The following TEF variants were observed in gnomAD, a reference collection of about 807,000 sequenced individuals.
The protein encoded by TEF is thyrotroph embryonic factor.
TEF carries 3 observed loss-of-function variants against 20.8 expected under a neutral mutation model. That is an observed-to-expected ratio of 0.14 (90% confidence interval 0.07 to 0.37). The LOEUF (loss-of-function observed/expected upper bound fraction) is 0.37, where lower values mean the gene tolerates loss of function less well. Ranked by LOEUF, TEF falls within the 10% of genes least tolerant of loss-of-function variation. TEF has a pLI of 1.00. For synonymous variants in TEF, 180 were observed against 171.1 expected (o/e 1.05, Z -0.41); for missense variants, 296 against 397.9 (o/e 0.74, Z 2.18).
intron 2 of TEF, among the ~76,000 whole-genome samples, chr22:41,390,564 G>C (rs1029871800): frequency 7.1e-6 from 1 of 140,470 alleles, no homozygotes; most frequent in South Asian, 2.3e-4. Context: ...GTGCAGTGGT[G>C]CGATCTCGGC....
rs1027539082 is a variant in TEF, at chr22:41,369,248, C to T, written c.67+1649C>T. On this transcript the variant is annotated intron_variant, in intron 1 of 3. Transcript: ENST00000406644. ...CTGGTCTGTGGGGCCCTGCAATAGCCGAAAAGTCCCCCTCCCTCACTGTGG... is the reference window on the plus strand; with the variant it reads ...CTGGTCTGTGGGGCCCTGCAATAGCTGAAAAGTCCCCCTCCCTCACTGTGG... 14 of 985,306 alleles carry T rather than the reference C, an allele frequency of 1.4e-5. No individual in the cohort carries two copies. The South Asian group carries it at 2.8e-4, about 20-fold the overall frequency. 61.0% of individuals were successfully genotyped at this position (985,306 alleles called of 1,614,324 possible). A position where few individuals can be genotyped will look rare whatever the true frequency, so the allele number is the denominator to read the frequency against.
At chr22:41,369,084 G>GC (rs1814751538) in intron 1 of TEF, 2 of 985,182 alleles carry the variant, frequency 2.0e-6, no homozygotes, top group Non-Finnish European at 2.4e-6. Flanking sequence ...GTCCCAGGAT[G>GC]CCCCCCAGCA....
At chr22:41,385,235 C>CT (rs1449616419) in intron 1 of TEF, among the ~76,000 whole-genome samples, 17 of 152,048 alleles carry the variant, frequency 1.1e-4, no homozygotes, top group Non-Finnish European at 2.4e-4. Context: ...TAGCGCATGC[C>CT]TGTAATCCCA....
chr22:41,393,928 T>G (rs972112066), intron 2 of TEF, among the ~76,000 whole-genome samples, 168 bp from the exon 3 acceptor site: 1 of 152,192 alleles, frequency 6.6e-6, no homozygotes, highest in African/African-American at 2.4e-5. Flanking sequence ...GTTGTGGAAT[T>G]GAACCGTGTG....
intron 2 of TEF, among the ~76,000 whole-genome samples, chr22:41,390,839 A>G (rs2145987941): frequency 6.6e-6 from 1 of 152,246 alleles, no homozygotes; most frequent in East Asian, 1.9e-4. Context: ...TCCATGGGGA[A>G]ATGAGAATTC....
At position 41,370,789 on chromosome 22, in the gene TEF, TCCCAG is replaced by T. The variant is rs371518696; in HGVS notation, c.67+3199_67+3203del. 1.2e-4 allele frequency among the ~76,000 whole-genome samples: 19 copies of T among 152,270 alleles called. No individual in the cohort carries two copies. The South Asian group carries it at 3.7e-3, about 30-fold the overall frequency. ...CTCTCCCTCGTGCTGCCCCTGGGCC[TCCCAG>T]CCCAGCCCGTGTAGACCTTGCCTCT... On this transcript the variant is annotated intron_variant, in intron 1 of 3. Coordinates refer to the TEF transcript ENST00000406644.
At chr22:41,375,051 C>T (rs58368178) in intron 1 of TEF, among the ~76,000 whole-genome samples, 6,678 of 152,294 alleles carry the variant, frequency 0.044, 465 homozygotes, top group African/African-American at 0.15. Context: ...CCCTCCAGCA[C>T]GTCTTTGACT....
chr22:41,371,479 T>C (rs2036882221), intron 1 of TEF, among the ~76,000 whole-genome samples: 1 of 151,536 alleles, frequency 6.6e-6, no homozygotes, highest in Non-Finnish European at 1.5e-5. Flanking sequence ...TACAACCCAC[T>C]GGTTGGGACT....
chr22:41,388,430 C>G (rs2037125526), intron 2 of TEF, among the ~76,000 whole-genome samples: 1 of 152,022 alleles, frequency 6.6e-6, no homozygotes, highest in Non-Finnish European at 1.5e-5. Flanking sequence ...CCATATTTGT[C>G]AGGCTGGTCT....
chr22:41,380,734 A>G (rs2037006759), upstream of TEF, among the ~76,000 whole-genome samples: 1 of 152,116 alleles, frequency 6.6e-6, no homozygotes, highest in Non-Finnish European at 1.5e-5. Flanking sequence ...GCAGCTTTCC[A>G]TTTGTGTACC....
At chr22:41,389,209 G>T (rs886830043) in intron 2 of TEF, among the ~76,000 whole-genome samples, 2 of 152,058 alleles carry the variant, frequency 1.3e-5, no homozygotes, top group African/African-American at 4.8e-5. Flanking sequence ...GACCATCCTG[G>T]TTAACACGGT....
rs1348447430 is a variant in TEF, at chr22:41,397,195, C to A, written c.*1235C>A. 8 of 398,290 alleles carry A rather than the reference C, an allele frequency of 2.0e-5. No individual in the cohort carries two copies. Among genetic ancestry groups the A allele is most frequent in the Non-Finnish European group, 3.5e-5 (8 of 226,058 alleles). The allele number at this position is 398,290 out of a possible 1,614,324, so 24.7% of individuals were successfully genotyped here. A position where few individuals can be genotyped will look rare whatever the true frequency, so the allele number is the denominator to read the frequency against. On this transcript the variant is annotated 3_prime_UTR_variant, in exon 4 of 4. Coordinates refer to ENST00000266304, the MANE Select transcript of TEF (RefSeq NM_003216.4). ...GGGACTTTTACACAGGCCTAGGGTC[C>A]CCTCAGTCTTGGTCCCAGGAGATGG... is the stretch of plus-strand genomic sequence containing the variant.
At chr22:41,383,078 C>T (rs1230212227) in intron 1 of TEF, 2 of 469,076 alleles carry the variant, frequency 4.3e-6, no homozygotes, top group African/African-American at 4.0e-5. Flanking sequence ...CTGAGGTATA[C>T]TTTGAGTGTG....
intron 2 of TEF, among the ~76,000 whole-genome samples, chr22:41,387,983 C>CT (rs530707936): frequency 0.069 from 3,439 of 49,938 alleles, 1,028 homozygotes; most frequent in East Asian, 0.11. Flanking sequence ...CAATGCTGCT[C>CT]TTTTTTTTTT....
At chr22:41,375,490 C>T (rs537098606) in intron 1 of TEF, among the ~76,000 whole-genome samples, 1 of 152,292 alleles carries the variant, frequency 6.6e-6, no homozygotes, top group African/African-American at 2.4e-5. Context: ...GTGGCACACG[C>T]CTGTAATCCC....
upstream of TEF, among the ~76,000 whole-genome samples, chr22:41,377,792 G>A (rs529822138): frequency 1.3e-5 from 2 of 152,302 alleles, no homozygotes; most frequent in South Asian, 4.1e-4. Context: ...TCTCTCTGGG[G>A]AGTGTCAGTA....
At chr22:41,392,479 TC>T (rs1781581757) in intron 2 of TEF, among the ~76,000 whole-genome samples, 1 of 148,498 alleles carries the variant, frequency 6.7e-6, no homozygotes, top group African/African-American at 2.5e-5. Context: ...ATTGAGACCA[TC>T]CTGGCCAACA....
At chr22:41,386,786 G>T (rs6002364) in intron 1 of TEF, among the ~76,000 whole-genome samples, 10,378 of 152,030 alleles carry the variant, frequency 0.068, 1,112 homozygotes, top group African/African-American at 0.23. Context: ...AGGCATAGTG[G>T]CTCATGCCTG....
chr22:41,396,637 G>A lies in TEF; in HGVS notation c.*677G>A, dbSNP rs5758327. The A allele has an allele frequency of 0.11, 30,561 of 281,932 alleles. 5,618 individuals are homozygous for A. The highest frequency in any genetic ancestry group is 0.41 in the African/African-American group (19,123 of 46,152). The allele number at this position is 281,932 out of a possible 1,614,324, so 17.5% of individuals were successfully genotyped here. Reference sequence around the variant, plus strand: ...TTTCCCTTATGGCTCTGAGGCCATCGGCTGTCTCTGCATTTCATTGGCTGT... The same window carrying A: ...TTTCCCTTATGGCTCTGAGGCCATCAGCTGTCTCTGCATTTCATTGGCTGT... On this transcript the variant is annotated 3_prime_UTR_variant, in exon 4 of 4. Transcript: ENST00000266304.
Sources: gnomAD v4.1 joint callset for allele counts (sites outside exome capture counted in the v4.1 genomes callset) on GRCh38, gnomAD v4.1.1 for gene constraint, MANE v1.5 for transcripts, NCBI Gene and HGNC (gene_info 2026-07-23, HGNC 2026-07-21) for gene names.